KCP: variants seen among roughly 807,000 people sequenced by gnomAD.
KCP encodes kielin/chordin-like protein.
KCP carries 194 observed loss-of-function variants against 212.7 expected under a neutral mutation model. The ratio of observed to expected loss-of-function variants is 0.91; its 90% CI spans 0.81 to 1.03. The LOEUF (loss-of-function observed/expected upper bound fraction) is 1.03. Ranked by LOEUF, KCP falls within the 50% of genes least tolerant of loss-of-function variation. The pLI, the probability that KCP is intolerant of heterozygous loss-of-function variation, is 0.00. For missense variants in KCP, 2,080 were observed against 2,162.5 expected (o/e 0.96, Z 0.76); for synonymous variants, 833 against 865.3 (o/e 0.96, Z 0.65).
rs977704939 is a variant in KCP at position 128,894,097 on chromosome 7, C to T, written c.926-42G>A. On this transcript the variant is annotated intron_variant, in intron 9 of 39. Transcript: ENST00000610776. The stretch of plus-strand genomic sequence containing the variant: ...CCTTAGATGTTCCTCAGGGGCCCCT[C>T]CCCACCCTCTCCTGGCCTTCATGGG... 7 of 1,533,848 alleles carry T rather than the reference C, an allele frequency of 4.6e-6. No homozygotes were observed. In the South Asian group the frequency reaches 6.0e-5, roughly 13 times the overall value.
intron 23 of KCP, 109 bp downstream of exon 23, chr7:128,887,106 A>G (rs1793700889): frequency 7.2e-6 from 8 of 1,118,782 alleles, no homozygotes; most frequent in Non-Finnish European, 1.1e-5. Flanking sequence ...TGAGATGTGA[A>G]GGGCAGAGTG....
chr7:128,878,962 G>A, intron 37 of KCP: 2 of 516,818 alleles, frequency 3.9e-6, no homozygotes, highest in Admixed American at 6.9e-5. Flanking sequence ...CCTGCATGAG[G>A]GCACCTTCTC....
At chr7:128,902,726 T>C in intron 8 of KCP, 51 bp downstream of exon 8, 2 of 1,460,836 alleles carry the variant, frequency 1.4e-6, no homozygotes, top group Non-Finnish European at 1.9e-6. Flanking sequence ...ATGAATACAG[T>C]GGGCCTGAGG....
chr7:128,879,031 T>A (rs1793158177), intron 37 of KCP: 1 of 425,360 alleles, frequency 2.4e-6, no homozygotes, highest in African/African-American at 2.0e-5. Context: ...GGGGATTCAC[T>A]TTCTCATGGG....
chr7:128,903,544 C>T (rs1329542586), intron 7 of KCP, among the ~76,000 whole-genome samples, 183 bp downstream of exon 7: 1 of 152,180 alleles, frequency 6.6e-6, no homozygotes, highest in African/African-American at 2.4e-5. Context: ...GCACCTTACA[C>T]ATGGGGAAAT....
chr7:128,881,571 C>A (rs1357579491), intron 31 of KCP, 55 bp downstream of exon 31: 3 of 1,298,772 alleles, frequency 2.3e-6, no homozygotes, highest in Non-Finnish European at 3.1e-6. Context: ...GCCTCCCCTT[C>A]CTGTGTTCCC....
chr7:128,892,097 C>T (rs1265971758), intron 16 of KCP, among the ~76,000 whole-genome samples: 3 of 152,238 alleles, frequency 2.0e-5, no homozygotes, highest in East Asian at 3.9e-4. Context: ...GACACACGCC[C>T]TCACACAGAC....
chr7:128,877,253 G>T lies in KCP; in HGVS notation c.4677C>A (p.Pro1559=). Residue 1559 remains proline, a synonymous_variant, in exon 40 of 40, where the codon CCC becomes CCA. Coordinates refer to ENST00000610776, the MANE Select transcript of KCP (RefSeq NM_001366122.1). The part of the protein sequence containing the change: ...FVFDECGPPC[P]RTCFNQHIPL... ...GGATATGCTGATTGAAGCAGGTGCG[G>T]GGACAGGGTGGGCCGCACTCATCAA... The T allele has an allele frequency of 6.7e-7, 1 of 1,488,862 alleles. No homozygotes were observed. The highest frequency in any genetic ancestry group is 1.9e-4 in the Middle Eastern group (1 of 5,198). The allele number at this position is 1,488,862 out of a possible 1,614,324, so 92.2% of individuals were successfully genotyped here.
At chr7:128,897,992 A>C (rs1280962547) in intron 8 of KCP, among the ~76,000 whole-genome samples, 3 of 152,214 alleles carry the variant, frequency 2.0e-5, no homozygotes, top group Non-Finnish European at 2.9e-5. Flanking sequence ...TTTATGCAAG[A>C]AATGTTGTAC....
chr7:128,909,201 G>A (rs1795304810), intron 1 of KCP, among the ~76,000 whole-genome samples: 1 of 152,200 alleles, frequency 6.6e-6, no homozygotes, highest in South Asian at 2.1e-4. Context: ...CTGCAGCCCA[G>A]AAAGTAAAGG....
chr7:128,883,983 C>T lies in KCP; in HGVS notation c.3244+19G>A. 6.5e-7 allele frequency: 1 copy of T among 1,545,502 alleles called. No individual in the cohort carries two copies. The highest frequency in any genetic ancestry group is 8.7e-7 in the Non-Finnish European group (1 of 1,145,152). The stretch of plus-strand genomic sequence containing the variant: ...GCCCTAACCTCATATCTCATCTACC[C>T]CCACATCCCTGGACTCACCGGCACA... On this transcript the variant is annotated intron_variant, in intron 29 of 39. Coordinates refer to ENST00000610776, the MANE Select transcript of KCP (RefSeq NM_001366122.1).
chr7:128,905,368 CTT>C (rs1453059772), intron 5 of KCP, among the ~76,000 whole-genome samples: 4 of 152,282 alleles, frequency 2.6e-5, no homozygotes, highest in African/African-American at 9.6e-5. Context: ...ACACTATCAC[CTT>C]ATGAGCCAGT....
intron 26 of KCP, 104 bp from the exon 27 acceptor site, chr7:128,885,374 A>C (rs1585204718): frequency 3.3e-6 from 4 of 1,198,980 alleles, no homozygotes; most frequent in Non-Finnish European, 4.6e-6. Flanking sequence ...GCCAGGAGTG[A>C]GTTTGCAGGG....
chr7:128,891,891 C>T (rs949298500), intron 16 of KCP, 72 bp from the exon 17 acceptor site: 16 of 1,203,168 alleles, frequency 1.3e-5, no homozygotes, highest in African/African-American at 1.1e-4. Flanking sequence ...AGTCCAGAGC[C>T]GCCACACAAG....
chr7:128,904,492 G>A (rs1795025845), intron 5 of KCP: 1 of 840,014 alleles, frequency 1.2e-6, no homozygotes, highest in African/African-American at 1.7e-5. Context: ...CTTTGCCAGA[G>A]CTGGCTTACT....
intron 8 of KCP, among the ~76,000 whole-genome samples, chr7:128,898,499 C>T (rs1033611332): frequency 6.6e-6 from 1 of 152,184 alleles, no homozygotes; most frequent in Non-Finnish European, 1.5e-5. Flanking sequence ...AGGCTAGGCT[C>T]CACACCTAGT....
chr7:128,876,913 C>G lies in KCP; in HGVS notation c.*130G>C. 1 of 1,139,350 alleles carries G rather than the reference C, an allele frequency of 8.8e-7. No individual in the cohort carries two copies. The highest frequency in any genetic ancestry group is 1.2e-6 in the Non-Finnish European group (1 of 832,140). The allele number at this position is 1,139,350 out of a possible 1,614,324, so 70.6% of individuals were successfully genotyped here. On this transcript the variant is annotated 3_prime_UTR_variant, in exon 40 of 40. Coordinates refer to ENST00000610776, the MANE Select transcript of KCP (RefSeq NM_001366122.1). ...GCTGGTGACTCAACATGGCGGGGGT[C>G]TTTGCAGGGCAGGGGCCCAGGCTCC...
At chr7:128,887,969 A>T (rs1299845112) in intron 22 of KCP, among the ~76,000 whole-genome samples, 1 of 148,174 alleles carries the variant, frequency 6.7e-6, no homozygotes, top group African/African-American at 2.5e-5. Context: ...ACATACACAG[A>T]TGCACACACA....
chr7:128,890,589 G>A (rs1794036543), intron 20 of KCP, 76 bp from the exon 21 acceptor site: 2 of 1,352,158 alleles, frequency 1.5e-6, no homozygotes, highest in African/African-American at 1.5e-5. Context: ...GGGGTTGAGG[G>A]GCGTGGAGGA....
Sources: allele counts gnomAD v4.1 joint callset (sites outside exome capture counted in the v4.1 genomes callset), GRCh38; gene constraint gnomAD v4.1.1; transcripts MANE v1.5; gene names NCBI Gene and HGNC (gene_info 2026-07-23, HGNC 2026-07-21).